Variants in ZNF813 observed in about 807,000 individuals in gnomAD.
ZNF813 encodes the protein zinc finger protein 813.
ZNF813 carries 3 observed loss-of-function variants against 7.2 expected under a neutral mutation model. The ratio of observed to expected loss-of-function variants is 0.42; its 90% CI spans 0.19 to 1.08. The LOEUF is 1.08. Among genes scored for constraint, ZNF813 ranks in the 50% least tolerant of loss-of-function variants. The pLI, the probability that ZNF813 is intolerant of heterozygous loss-of-function variation, is 0.30. For missense variants in ZNF813, 714 were observed against 753.3 expected, an observed-to-expected ratio of 0.95 and a Z score of 0.61; for synonymous variants, 227 against 256.3, an observed-to-expected ratio of 0.89 and a Z score of 1.09.
At chr19:53,479,812 G>C in intron 1 of ZNF813, 1 of 1,153,866 alleles carries the variant, frequency 8.7e-7, no homozygotes, top group East Asian at 2.3e-5. Context: ...GTTGCTGAGA[G>C]ATGGATGAGC....
intron 1 of ZNF813, among the ~76,000 whole-genome samples, chr19:53,468,092 A>G (rs1196637739): frequency 2.6e-5 from 4 of 152,042 alleles, no homozygotes; most frequent in Non-Finnish European, 5.9e-5. Flanking sequence ...GTCCTCACCC[A>G]AGGGGTGGAT....
intron 1 of ZNF813, among the ~76,000 whole-genome samples, chr19:53,475,944 C>T (rs149741500): frequency 6.6e-6 from 1 of 152,128 alleles, no homozygotes; most frequent in Non-Finnish European, 1.5e-5. Context: ...GGCTCCTTTT[C>T]TCCTCTTTTT....
rs554549071 is a variant in ZNF813 at position 53,472,764 on chromosome 19, C to T, written c.-74+4975C>T. 3.3e-5 allele frequency among the ~76,000 whole-genome samples: 5 copies of T among 152,072 alleles called. No individual in the cohort carries two copies. In the South Asian group the frequency reaches 1.0e-3, roughly 32 times the overall value. ...AATAGCTGTGATTACAGGCATGTAC[C>T]ACCATGCCTGGTTAATTTTGTATTT... On this transcript the variant is annotated intron_variant, in intron 1 of 3. Transcript: ENST00000396403.
In ZNF813 at chr19:53,493,224, C is replaced by T. The variant is rs2086472023; in HGVS notation, c.*1138C>T. On this transcript the variant is annotated 3_prime_UTR_variant, in exon 4 of 4. Transcript: ENST00000396403. ...TGGCCAACAAACATGAGCCACTTTT[C>T]CCAGTTTGCTTTTTGTTCTTTAACA... 1 of 180,840 alleles carries T rather than the reference C, an allele frequency of 5.5e-6. No individual in the cohort carries two copies. The highest frequency in any genetic ancestry group is 5.7e-5 in the Admixed American group (1 of 17,404). 11.2% of individuals were successfully genotyped at this position (180,840 alleles called of 1,614,324 possible).
intron 1 of ZNF813, among the ~76,000 whole-genome samples, chr19:53,475,874 T>C (rs1342105146): frequency 1.3e-5 from 2 of 152,238 alleles, no homozygotes; most frequent in East Asian, 3.8e-4. Flanking sequence ...GGCTGGGACC[T>C]GAGTTAAAGC....
rs1024705372 is a variant in ZNF813, at chr19:53,493,257, A to T, written c.*1171A>T. 5.3e-6 allele frequency: 1 copy of T among 188,432 alleles called. No individual in the cohort carries two copies. Among genetic ancestry groups the T allele is most frequent in the Middle Eastern group, 2.2e-3 (1 of 452 alleles). 11.7% of individuals were successfully genotyped at this position (188,432 alleles called of 1,614,324 possible). ...GCTTTTTGTTCTTTAACAAAAACTGATAGGGATTTTTATGGGTACCGTGTT... is the reference window on the plus strand; with the variant it reads ...GCTTTTTGTTCTTTAACAAAAACTGTTAGGGATTTTTATGGGTACCGTGTT... On this transcript the variant is annotated 3_prime_UTR_variant, in exon 4 of 4. Coordinates refer to ENST00000396403, the MANE Select transcript of ZNF813 (RefSeq NM_001004301.4).
chr19:53,491,849 A>G lies in ZNF813; in HGVS notation c.1617A>G (p.Ala539=), dbSNP rs762820504. Residue 539 remains alanine, a synonymous_variant, in exon 4 of 4, where the codon GCA becomes GCG. Transcript: ENST00000396403. ...GKVFNRKTHL[A]HHHRLHTGDK... ...TTTTTAATCGAAAAACACACCTTGC[A>G]CATCATCATAGACTTCATACTGGAG... The G allele has an allele frequency of 1.2e-6, 2 of 1,613,938 alleles. No individual in the cohort carries two copies. The highest frequency in any genetic ancestry group is 1.7e-6 in the Non-Finnish European group (2 of 1,179,872).
chr19:53,481,344 CTTTTTT>C (rs66842546), intron 1 of ZNF813, among the ~76,000 whole-genome samples: 1 of 106,396 alleles, frequency 9.4e-6, no homozygotes. Flanking sequence ...CCCATGTATT[CTTTTTT>C]TTTTTTTTTT....
intron 2 of ZNF813, among the ~76,000 whole-genome samples, chr19:53,485,612 A>AT (rs372886487): frequency 0.021 from 3,170 of 150,986 alleles, 94 homozygotes; most frequent in African/African-American, 0.064. Context: ...ATATATCGTG[A>AT]TATATACATG....
At chr19:53,481,166 G>T (rs1158722390) in intron 1 of ZNF813, among the ~76,000 whole-genome samples, 1 of 152,002 alleles carries the variant, frequency 6.6e-6, no homozygotes, top group Non-Finnish European at 1.5e-5. Flanking sequence ...CATTTTATGA[G>T]CCTGGGAGTG....
intron 1 of ZNF813, among the ~76,000 whole-genome samples, chr19:53,474,688 C>CAAA (rs145174944): frequency 2.1e-5 from 3 of 145,544 alleles, no homozygotes; most frequent in African/African-American, 7.6e-5. Context: ...GACTCAATCT[C>CAAA]AAAAAAAAAA....
At chr19:53,488,278 C>T (rs1247921797) in intron 3 of ZNF813, 1 of 455,276 alleles carries the variant, frequency 2.2e-6, no homozygotes, top group African/African-American at 2.0e-5. Context: ...CAACCTCAGC[C>T]TCCGAAACTG....
At chr19:53,487,308 G>A (rs1015778394) in intron 3 of ZNF813, among the ~76,000 whole-genome samples, 19 of 152,070 alleles carry the variant, frequency 1.2e-4, no homozygotes, top group African/African-American at 4.6e-4. Context: ...CATATTATCT[G>A]TATTGTAGAT....
rs374789861 is a variant in ZNF813, at chr19:53,492,103, A to G, written c.*17A>G. 6.2e-7 allele frequency: 1 copy of G among 1,601,234 alleles called. No homozygotes were observed. Among genetic ancestry groups the G allele is most frequent in the Non-Finnish European group, 8.5e-7 (1 of 1,173,462 alleles). ...TTTAATTGAAAAGCAAAGCTTGCAC[A>G]TCATCATACAATTCATACTGGAAAG... On this transcript the variant is annotated 3_prime_UTR_variant, in exon 4 of 4. Transcript: ENST00000396403.
rs1355907931 is a variant in ZNF813, at chr19:53,490,814, T to A, written c.582T>A (p.Asn194Lys). 1.2e-6 allele frequency: 2 copies of A among 1,614,198 alleles called. No individual in the cohort carries two copies. Among genetic ancestry groups the A allele is most frequent in the East Asian group, 4.5e-5 (2 of 44,888 alleles). ...PKTHISNNYGNNFRNSSLLTQ... is the reference protein window; with the variant it reads ...PKTHISNNYGKNFRNSSLLTQ... ...CCCATATTTCTAATAACTATGGGAA[T>A]AATTTCCGGAATTCTTCGTTACTCA... The change falls in exon 4 of 4, where the codon AAT becomes AAA. Residue 194 changes from asparagine (N) to lysine (K), a missense_variant. Coordinates refer to ENST00000396403, the MANE Select transcript of ZNF813 (RefSeq NM_001004301.4).
intron 1 of ZNF813, among the ~76,000 whole-genome samples, chr19:53,474,410 C>T (rs535993272): frequency 9.8e-4 from 149 of 152,066 alleles, no homozygotes; most frequent in Non-Finnish European, 1.7e-3. Context: ...CTTTCGTGGC[C>T]GGGCGCGGTG....
chr19:53,479,530 G>C lies in ZNF813; in HGVS notation c.-73-4220G>C, dbSNP rs1438905972. ...CGGTAGGATCCAGCTGGTTGAAGAG[G>C]AGCTGGACTGTGCTCAGGAGCGCCT... is the stretch of plus-strand genomic sequence containing the variant. On this transcript the variant is annotated intron_variant, in intron 1 of 3. Transcript: ENST00000396403. 5 of 1,284,218 alleles carry C rather than the reference G, an allele frequency of 3.9e-6. No individual in the cohort carries two copies. In the African/African-American group the frequency reaches 7.3e-5, roughly 19 times the overall value. The allele number at this position is 1,284,218 out of a possible 1,614,324, so 79.6% of individuals were successfully genotyped here. A position where few individuals can be genotyped will look rare whatever the true frequency, so the allele number is the denominator to read the frequency against.
At position 53,494,979 on chromosome 19, in the gene ZNF813, A is replaced by T. The variant is rs922333250; in HGVS notation, c.*2893A>T. 1 of 152,372 alleles carries T rather than the reference A, an allele frequency of 6.6e-6. No individual in the cohort carries two copies. Among genetic ancestry groups the T allele is most frequent in the Non-Finnish European group, 1.5e-5 (1 of 68,242 alleles). 9.4% of individuals were successfully genotyped at this position (152,372 alleles called of 1,614,324 possible). A position where few individuals can be genotyped will look rare whatever the true frequency, so the allele number is the denominator to read the frequency against. On this transcript the variant is annotated 3_prime_UTR_variant, in exon 4 of 4. Transcript: ENST00000396403. ...GTTGAGGCTGCAGTGAGCTATGATC[A>T]TGCCACTGCATTCCAGCATGGGTGA...
intron 1 of ZNF813, among the ~76,000 whole-genome samples, chr19:53,468,405 T>G (rs2086339053): frequency 6.6e-6 from 1 of 150,624 alleles, no homozygotes; most frequent in Admixed American, 6.6e-5. Context: ...AGAAAAGAAA[T>G]AAGACACAAA....
Sources: allele counts gnomAD v4.1 joint callset (sites outside exome capture counted in the v4.1 genomes callset), GRCh38; gene constraint gnomAD v4.1.1; transcripts MANE v1.5; gene names NCBI Gene and HGNC (gene_info 2026-07-23, HGNC 2026-07-21).